CCDC102B: variants seen among roughly 807,000 people sequenced by gnomAD.
CCDC102B encodes the protein coiled-coil domain-containing protein 102B.
CCDC102B carries 75 observed loss-of-function variants against 57.4 expected under a neutral mutation model. That is an observed-to-expected ratio of 1.31 (90% CI 1.08 to 1.58). The LOEUF (loss-of-function observed/expected upper bound fraction) is 1.58. Among genes scored for constraint, CCDC102B ranks in the 40% most tolerant of loss-of-function variants. CCDC102B has a pLI of 0.00. For missense variants in CCDC102B, 636 were observed against 582.6 expected (o/e 1.09, Z -0.94); for synonymous variants, 206 against 201.9 (o/e 1.02, Z -0.17).
At chr18:68,861,297 G>GTTT (rs34605846) in intron 4 of CCDC102B, among the ~76,000 whole-genome samples, 1 of 149,620 alleles carries the variant, frequency 6.7e-6, no homozygotes, top group Non-Finnish European at 1.5e-5. Flanking sequence ...CAGTTTAAAT[G>GTTT]TTTTTTTTTT....
intron 6 of CCDC102B, among the ~76,000 whole-genome samples, chr18:68,932,828 T>C (rs2041720674): frequency 1.3e-5 from 2 of 151,860 alleles, no homozygotes; most frequent in Admixed American, 6.6e-5. Flanking sequence ...TTACAATTCC[T>C]TCCACTTTAT....
At chr18:68,856,479 G>A (rs980806381) in intron 4 of CCDC102B, among the ~76,000 whole-genome samples, 3 of 151,928 alleles carry the variant, frequency 2.0e-5, no homozygotes, top group African/African-American at 7.3e-5. Flanking sequence ...TAAAATTTTT[G>A]GAAAAGGGGT....
intron 5 of CCDC102B, among the ~76,000 whole-genome samples, chr18:68,881,212 CTATT>C (rs2039683059): frequency 6.6e-6 from 1 of 152,100 alleles, no homozygotes; most frequent in Admixed American, 6.6e-5. Flanking sequence ...AGAAGCAAAA[CTATT>C]TAATATGTGC....
At chr18:68,991,193 T>G (rs535075999) in intron 6 of CCDC102B, among the ~76,000 whole-genome samples, 64 of 147,870 alleles carry the variant, frequency 4.3e-4, no homozygotes, top group Middle Eastern at 7.0e-3. Context: ...AAACTCAATA[T>G]ACATGTCCAT....
intron 7 of CCDC102B, among the ~76,000 whole-genome samples, chr18:69,043,549 T>C (rs569466285): frequency 4.1e-4 from 62 of 152,226 alleles, no homozygotes; most frequent in African/African-American, 1.4e-3. Flanking sequence ...CCCTGGGTAC[T>C]TGAGATTAGG....
intron 6 of CCDC102B, among the ~76,000 whole-genome samples, chr18:68,938,717 T>C (rs537993264): frequency 4.0e-5 from 6 of 151,610 alleles, no homozygotes; most frequent in African/African-American, 1.4e-4. Context: ...AAATATATTA[T>C]TTTAATTTAT....
intron 6 of CCDC102B, among the ~76,000 whole-genome samples, chr18:68,945,122 C>CCACACACACACACACACACACA (rs34611934): frequency 1.3e-4 from 18 of 143,942 alleles, no homozygotes; most frequent in African/African-American, 3.4e-4. Context: ...CTCTCTCTCT[C>CCACACACACACACACACACACA]CACACACACA....
At chr18:68,748,824 C>A (rs1366272934) in intron 2 of CCDC102B, among the ~76,000 whole-genome samples, 2 of 152,170 alleles carry the variant, frequency 1.3e-5, no homozygotes, top group East Asian at 3.9e-4. Flanking sequence ...CCAAATAACC[C>A]AGAATAGTGG....
At chr18:68,856,323 C>T (rs962308715) in intron 4 of CCDC102B, among the ~76,000 whole-genome samples, 4 of 152,046 alleles carry the variant, frequency 2.6e-5, no homozygotes, top group Admixed American at 2.0e-4. Context: ...CACGGTGTTG[C>T]TCTGTTACTC....
At chr18:68,801,191 A>G (rs1361885141) in intron 1 of CCDC102B, among the ~76,000 whole-genome samples, 1 of 152,106 alleles carries the variant, frequency 6.6e-6, no homozygotes. Context: ...TTGAGATTTT[A>G]TTTTTGTACA....
At chr18:68,904,879 CTT>C (rs1206294067) in intron 6 of CCDC102B, among the ~76,000 whole-genome samples, 1 of 152,154 alleles carries the variant, frequency 6.6e-6, no homozygotes, top group African/African-American at 2.4e-5. Flanking sequence ...TTCATATTCT[CTT>C]ATACTATTCA....
At chr18:68,947,467 A>G (rs4290560) in intron 6 of CCDC102B, among the ~76,000 whole-genome samples, 90,802 of 151,892 alleles carry the variant, frequency 0.6, 28,189 homozygotes, top group East Asian at 0.98. Context: ...ATGAGGAAGT[A>G]GAGGGAGAGA....
At chr18:69,019,500 G>A (rs564969806) in intron 7 of CCDC102B, among the ~76,000 whole-genome samples, 5 of 136,094 alleles carry the variant, frequency 3.7e-5, no homozygotes, top group African/African-American at 5.9e-5. Flanking sequence ...GAGTGGGATT[G>A]TTTTTTATTT....
intron 6 of CCDC102B, among the ~76,000 whole-genome samples, chr18:68,961,737 A>G (rs902685688): frequency 1.3e-5 from 2 of 152,024 alleles, no homozygotes; most frequent in African/African-American, 4.8e-5. Context: ...TGAATATTCT[A>G]TGCTTGTGAA....
intron 4 of CCDC102B, among the ~76,000 whole-genome samples, chr18:68,853,312 G>C (rs986291369): frequency 3.3e-5 from 5 of 151,226 alleles, no homozygotes; most frequent in Non-Finnish European, 7.4e-5. Context: ...ACTTCAAAGA[G>C]TGAATATTCC....
chr18:68,882,302 A>T (rs1014030287), intron 5 of CCDC102B, among the ~76,000 whole-genome samples: 4 of 152,214 alleles, frequency 2.6e-5, no homozygotes, highest in African/African-American at 9.6e-5. Flanking sequence ...TCTTACAATG[A>T]CTTTAGCAAC....
chr18:69,030,350 A>G (rs890232359), intron 7 of CCDC102B, among the ~76,000 whole-genome samples: 2 of 152,214 alleles, frequency 1.3e-5, no homozygotes, highest in East Asian at 1.9e-4. Context: ...ATAGTCATCA[A>G]TATTATACAG....
chr18:68,958,843 A>G (rs2145222675), intron 6 of CCDC102B, among the ~76,000 whole-genome samples: 1 of 152,142 alleles, frequency 6.6e-6, no homozygotes, highest in African/African-American at 2.4e-5. Context: ...TTTCTGCTTG[A>G]TTCTTTTTAG....
chr18:69,014,978 A>AGTGTGTGTGTGTGTGTGTGTGT (rs3035604), intron 7 of CCDC102B, among the ~76,000 whole-genome samples: 2 of 139,428 alleles, frequency 1.4e-5, no homozygotes, highest in Admixed American at 7.4e-5. Flanking sequence ...AGAGAGAGAG[A>AGTGTGTGTGTGTGTGTGTGTGT]GTGTGTGTGT....
Sources: allele counts gnomAD v4.1 joint callset (sites outside exome capture counted in the v4.1 genomes callset), GRCh38; gene constraint gnomAD v4.1.1; transcripts MANE v1.5; gene names NCBI Gene and HGNC (gene_info 2026-07-23, HGNC 2026-07-21).